MTMR10: variants seen among roughly 807,000 people sequenced by gnomAD.
MTMR10 encodes the protein myotubularin-related protein 10.
MTMR10 carries 56 observed loss-of-function variants against 88.1 expected under a neutral mutation model. The ratio of observed to expected loss-of-function variants is 0.64; its 90% CI spans 0.51 to 0.79. MTMR10 has a LOEUF of 0.79. Among genes scored for constraint, MTMR10 ranks in the 30% least tolerant of loss-of-function variants. MTMR10 has a pLI of 0.00. For synonymous variants in MTMR10, 380 were observed against 340.9 expected (o/e 1.11, Z -1.26); for missense variants, 883 against 924.7 (o/e 0.95, Z 0.58).
chr15:30,922,106 C>T, the MTMR10 span: 2,440 of 1,236,214 alleles, frequency 2.0e-3, 41 homozygotes, highest in African/African-American at 0.031. Flanking sequence ...GTTCGGGGTC[C>T]TTGGCCTCAT....
chr15:30,979,334 G>T (rs562055307), intron 2 of MTMR10, among the ~76,000 whole-genome samples: 1 of 152,000 alleles, frequency 6.6e-6, no homozygotes, highest in African/African-American at 2.4e-5. Context: ...TGGCTGAGGC[G>T]GGTGGATCAC....
chr15:30,947,096 G>C (rs371853301), intron 14 of MTMR10, 34 bp downstream of exon 14: 11 of 1,554,082 alleles, frequency 7.1e-6, no homozygotes, highest in Non-Finnish European at 9.5e-6. Context: ...TGTAAAAACA[G>C]GGAAAACGTA....
intron 5 of MTMR10, among the ~76,000 whole-genome samples, chr15:30,968,576 CAA>C (rs2063500364): frequency 7.1e-6 from 1 of 140,874 alleles, no homozygotes; most frequent in African/African-American, 2.6e-5. Flanking sequence ...CACACACACA[CAA>C]ACTGTGTTTA....
At chr15:30,982,127 C>G (rs1386826021) in intron 2 of MTMR10, among the ~76,000 whole-genome samples, 2 of 149,836 alleles carry the variant, frequency 1.3e-5, no homozygotes, top group Non-Finnish European at 3.0e-5. Flanking sequence ...TAGAAAAAAA[C>G]ACGTCAAGGT....
chr15:30,927,417 G>A, the MTMR10 span: 1 of 985,618 alleles, frequency 1.0e-6, no homozygotes, highest in South Asian at 4.7e-5. Flanking sequence ...CTGTCCTTTT[G>A]AATCCCTGAG....
At position 30,940,306 on chromosome 15, in the gene MTMR10, A is replaced by T. The variant is rs1450467230; in HGVS notation, c.*1164T>A. ...ACTTTAGAGAGATTCAGATCAAGCA[A>T]ACAACTGTGTCTGCTCATTCTCCTC... is the stretch of plus-strand genomic sequence containing the variant. On this transcript the variant is annotated 3_prime_UTR_variant, in exon 16 of 16. Transcript: ENST00000435680. 1 of 985,274 alleles carries T rather than the reference A, an allele frequency of 1.0e-6. No homozygotes were observed. The highest frequency in any genetic ancestry group is 1.2e-6 in the Non-Finnish European group (1 of 829,902). 61.0% of individuals were successfully genotyped at this position (985,274 alleles called of 1,614,324 possible).
At chr15:30,967,007 T>C (rs931582793) in intron 6 of MTMR10, among the ~76,000 whole-genome samples, 39 of 152,216 alleles carry the variant, frequency 2.6e-4, no homozygotes, top group South Asian at 2.1e-4. Context: ...TGGAATATAC[T>C]TTTATTATGC....
the MTMR10 span, among the ~76,000 whole-genome samples, chr15:30,929,764 A>G: frequency 2.0e-5 from 1 of 49,660 alleles, no homozygotes; most frequent in South Asian, 6.5e-4. Context: ...TATAATATAT[A>G]AAATATATAA....
chr15:30,939,005 C>G lies in MTMR10; in HGVS notation c.*2465G>C. 1 of 985,196 alleles carries G rather than the reference C, an allele frequency of 1.0e-6. No homozygotes were observed. Among genetic ancestry groups the G allele is most frequent in the Non-Finnish European group, 1.2e-6 (1 of 829,732 alleles). 61.0% of individuals were successfully genotyped at this position (985,196 alleles called of 1,614,324 possible). A position where few individuals can be genotyped will look rare whatever the true frequency, so the allele number is the denominator to read the frequency against. On this transcript the variant is annotated 3_prime_UTR_variant, in exon 16 of 16. Coordinates refer to ENST00000435680, the MANE Select transcript of MTMR10 (RefSeq NM_017762.3). ...CTTCACATTCAATACTGTTGAACAA[C>G]AAGATAACACATCTTCTTGCTCATC...
intron 12 of MTMR10, 47 bp from the exon 13 acceptor site, chr15:30,948,518 G>C (rs1595912581): frequency 1.3e-6 from 2 of 1,533,306 alleles, no homozygotes; most frequent in African/African-American, 2.8e-5. Context: ...GAAAAATGCT[G>C]AGAGAGAAAG....
chr15:30,986,443 T>C (rs2030943511), intron 2 of MTMR10, among the ~76,000 whole-genome samples: 1 of 152,088 alleles, frequency 6.6e-6, no homozygotes, highest in East Asian at 1.9e-4. Flanking sequence ...TAGTTTAGAT[T>C]CCAAACCAGG....
chr15:30,957,658 A>T (rs1385151435), intron 9 of MTMR10, among the ~76,000 whole-genome samples: 1 of 152,094 alleles, frequency 6.6e-6, no homozygotes, highest in Non-Finnish European at 1.5e-5. Context: ...GGGAGCCGAG[A>T]TCGTACCACT....
the MTMR10 span, chr15:30,930,614 C>CT: frequency 1.2e-6 from 2 of 1,612,942 alleles, no homozygotes; most frequent in Non-Finnish European, 1.7e-6. Flanking sequence ...ACTTTCGACA[C>CT]TGTCGAGGGG....
At chr15:30,953,433 A>G (rs2063278589) in intron 11 of MTMR10, 129 bp downstream of exon 11, 1 of 678,304 alleles carries the variant, frequency 1.5e-6, no homozygotes, top group South Asian at 2.0e-5. Context: ...TAGTTACGAG[A>G]TGTTACTATT....
intron 2 of MTMR10, among the ~76,000 whole-genome samples, chr15:30,985,286 GTTC>G (rs1401152270): frequency 1.3e-5 from 2 of 152,210 alleles, no homozygotes; most frequent in African/African-American, 2.4e-5. Flanking sequence ...TTCTCTGAAA[GTTC>G]TTCTGCACGC....
chr15:30,943,227 C>T, intron 14 of MTMR10, 155 bp from the exon 15 acceptor site: 1 of 1,384,748 alleles, frequency 7.2e-7, no homozygotes, highest in Non-Finnish European at 9.3e-7. Context: ...AGAGGAGACG[C>T]TCCTGGCCTT....
the MTMR10 span, among the ~76,000 whole-genome samples, chr15:30,933,823 C>T: frequency 1.3e-5 from 2 of 151,508 alleles, no homozygotes; most frequent in African/African-American, 2.4e-5. Flanking sequence ...AGTGGCAGTG[C>T]GATCCTGGAT....
At chr15:30,944,783 G>C (rs2063145379) in intron 14 of MTMR10, among the ~76,000 whole-genome samples, 1 of 151,986 alleles carries the variant, frequency 6.6e-6, no homozygotes, top group African/African-American at 2.4e-5. Context: ...AGCTGAGGTG[G>C]GCGGATTGCT....
In MTMR10 at chr15:30,941,844, T is replaced by G. The variant is rs1566942979; in HGVS notation, c.1960A>C (p.Ile654Leu). ...AAGTAGCACAGTTTCCACAGTTTTA[T>G]GTGTGTTCCAGAGACACGTGGCAGA... ...VILPRVSGTH[I>L]KLWKLCYFRW... Residue 654 changes from isoleucine to leucine, a missense_variant, in exon 16 of 16, where the codon ATA becomes CTA. By Grantham distance (5) the Ile-to-Leu change is conservative. Transcript: ENST00000435680. 1.2e-6 allele frequency: 2 copies of G among 1,614,048 alleles called. No individual in the cohort carries two copies. Among genetic ancestry groups the G allele is most frequent in the South Asian group, 2.2e-5 (2 of 91,082 alleles).
Sources: allele counts gnomAD v4.1 joint callset (sites outside exome capture counted in the v4.1 genomes callset), GRCh38; gene constraint gnomAD v4.1.1; transcripts MANE v1.5; gene names NCBI Gene and HGNC (gene_info 2026-07-23, HGNC 2026-07-21).